ZSCAN31: variants seen among roughly 807,000 people sequenced by gnomAD.
ZSCAN31 encodes zinc finger and SCAN domain containing 31.
In ZSCAN31, 14 loss-of-function variants were observed where a neutral mutation model predicts 22.5. The observed-to-expected ratio is 0.62, with a 90% CI of 0.41 to 0.97. The LOEUF (loss-of-function observed/expected upper bound fraction) is 0.97. ZSCAN31 is among the 50% of genes least tolerant of loss of function. ZSCAN31 has a pLI of 0.00. For synonymous variants in ZSCAN31, 168 were observed against 169.8 expected, an observed-to-expected ratio of 0.99 and a Z score of 0.08; for missense variants, 424 against 483.4, an observed-to-expected ratio of 0.88 and a Z score of 1.15.
chr6:28,326,854 TC>T lies in ZSCAN31; in HGVS notation c.533-1del. On this transcript the variant is annotated splice_acceptor_variant, in intron 3 of 3. Transcript: ENST00000344279. LOFTEE classifies it high-confidence loss of function. ...CTGGTTCTCAGGTATACTTTCACCA[TC>T]TGGAATAATAAATGGACCAAACAAT... 6.2e-7 allele frequency: 1 copy of T among 1,604,812 alleles called. No homozygotes were observed. Among genetic ancestry groups the T allele is most frequent in the Non-Finnish European group, 8.5e-7 (1 of 1,176,706 alleles).
At chr6:28,334,850 G>A (rs1213304408) in intron 1 of ZSCAN31, among the ~76,000 whole-genome samples, 1 of 152,204 alleles carries the variant, frequency 6.6e-6, no homozygotes, top group Non-Finnish European at 1.5e-5. Flanking sequence ...ACTTAGTTGG[G>A]TGTGCTAATA....
rs150282747 is a variant in ZSCAN31, at chr6:28,341,855, C to T, written c.-370-63G>A. The T allele has an allele frequency of 9.5e-3, 1,446 of 152,110 alleles. 17 individuals carry two copies. Among genetic ancestry groups the T allele is most frequent in the Middle Eastern group, 0.031 (9 of 294 alleles). The allele number at this position is 152,110 out of a possible 1,614,324, so 9.4% of individuals were successfully genotyped here. On this transcript the variant is annotated intron_variant, in intron 2 of 7. Coordinates refer to the ZSCAN31 transcript ENST00000396838. ...CTGCATAAACAACCCTGAGAAATGG[C>T]GTGGGCAAAAGAATGGTCAGGGCTT...
chr6:28,326,654 C>G lies in ZSCAN31; in HGVS notation c.733G>C (p.Gly245Arg), dbSNP rs767128412. The G allele has an allele frequency of 6.2e-7, 1 of 1,614,232 alleles. No homozygotes were observed. Among genetic ancestry groups the G allele is most frequent in the East Asian group, 2.2e-5 (1 of 44,890 alleles). Residue 245 changes from glycine (G) to arginine (R), a missense_variant, in exon 4 of 4, where the codon GGG (glycine) becomes CGG (arginine). Coordinates refer to ENST00000344279, the MANE Select transcript of ZSCAN31 (RefSeq NM_030899.5). ...GERRHRCNEC[G>R]KSFTKSSVLI... The stretch of plus-strand genomic sequence containing the variant: ...ACTGAACTCTTAGTGAAGCTTTTCC[C>G]ACATTCATTGCACCTGTGGCGTCTC...
In ZSCAN31 at chr6:28,329,706, T is replaced by C. The variant is rs570219164; in HGVS notation, c.-23A>G. 1.3e-6 allele frequency: 2 copies of C among 1,587,198 alleles called. No individual in the cohort carries two copies. The highest frequency in any genetic ancestry group is 2.3e-5 in the South Asian group (2 of 88,580). On this transcript the variant is annotated 5_prime_UTR_variant, in exon 2 of 4. Coordinates refer to ENST00000344279, the MANE Select transcript of ZSCAN31 (RefSeq NM_030899.5). Reference sequence around the variant, plus strand: ...CATTCCTGGGGTTAATTTGGAAGGCTTACTCTGGCTTTAAGTAAAGGGATA... The same window carrying C: ...CATTCCTGGGGTTAATTTGGAAGGCCTACTCTGGCTTTAAGTAAAGGGATA...
At chr6:28,343,719 G>A (rs548335392) in intron 2 of ZSCAN31, among the ~76,000 whole-genome samples, 6 of 151,798 alleles carry the variant, frequency 4.0e-5, no homozygotes, top group East Asian at 1.9e-4. Context: ...TAGTAGAAAC[G>A]GGGTTTCACC....
chr6:28,335,489 A>C (rs1463915431), intron 1 of ZSCAN31: 1 of 152,262 alleles, frequency 6.6e-6, no homozygotes, highest in Non-Finnish European at 1.5e-5. Flanking sequence ...AGGTTCCGGC[A>C]GGCGCTCTAC....
upstream of ZSCAN31, chr6:28,355,969 A>T (rs1243062896): frequency 6.6e-6 from 1 of 152,220 alleles, no homozygotes; most frequent in African/African-American, 2.4e-5. Context: ...GGCATGGGAG[A>T]GACATCCACA....
upstream of ZSCAN31, among the ~76,000 whole-genome samples, chr6:28,340,172 G>A (rs1165734338): frequency 6.6e-6 from 1 of 152,220 alleles, no homozygotes; most frequent in Non-Finnish European, 1.5e-5. Context: ...ATTTATCACA[G>A]CCTAATTGGA....
chr6:28,338,124 C>T (rs1403834380), upstream of ZSCAN31, among the ~76,000 whole-genome samples: 1 of 151,736 alleles, frequency 6.6e-6, no homozygotes, highest in Non-Finnish European at 1.5e-5. Flanking sequence ...ATAGGCCAGG[C>T]GTGGTGGTTC....
At chr6:28,332,797 T>C (rs1763862212) in intron 1 of ZSCAN31, among the ~76,000 whole-genome samples, 1 of 152,242 alleles carries the variant, frequency 6.6e-6, no homozygotes, top group Admixed American at 6.5e-5. Flanking sequence ...AGCCCATCTC[T>C]AGATACCACC....
At chr6:28,330,609 C>T (rs1020317617) in intron 1 of ZSCAN31, among the ~76,000 whole-genome samples, 1 of 152,016 alleles carries the variant, frequency 6.6e-6, no homozygotes, top group African/African-American at 2.4e-5. Flanking sequence ...TTCCAAAATC[C>T]AGAAAAATCT....
At chr6:28,352,682 A>G (rs1765118945) in intron 2 of ZSCAN31, among the ~76,000 whole-genome samples, 1 of 152,250 alleles carries the variant, frequency 6.6e-6, no homozygotes, top group Non-Finnish European at 1.5e-5. Flanking sequence ...ATTTGGATCT[A>G]AAGACTAGAT....
At chr6:28,327,909 G>A (rs554635637) in intron 2 of ZSCAN31, among the ~76,000 whole-genome samples, 15 of 152,156 alleles carry the variant, frequency 9.9e-5, no homozygotes, top group Admixed American at 3.3e-4. Flanking sequence ...TTCCTTAAGC[G>A]TCAGCCAGCT....
chr6:28,353,434 T>G (rs2113896566), intron 2 of ZSCAN31: 1 of 161,352 alleles, frequency 6.2e-6, no homozygotes, highest in Admixed American at 6.0e-5. Flanking sequence ...GGCCCAGGTC[T>G]CATGGCTTCT....
chr6:28,349,125 GTA>G lies in ZSCAN31; in HGVS notation c.-371+4735_-371+4736del, dbSNP rs200551415. Among the ~76,000 whole-genome samples the G allele has an allele frequency of 0.071, 9,940 of 140,190 alleles. 600 individuals carry two copies. The highest frequency in any genetic ancestry group is 0.15 in the African/African-American group (5,570 of 36,754). The allele number at this position is 140,190 out of a possible 152,430, so 92.0% of individuals were successfully genotyped here. A position where few individuals can be genotyped will look rare whatever the true frequency, so the allele number is the denominator to read the frequency against. On this transcript the variant is annotated intron_variant, in intron 2 of 7. Transcript: ENST00000396838. This position sits in a 1 kb window ranked among gnomAD's most constrained non-coding sequence, Gnocchi z 4.1. ...ATATACATGTCTCATATACATAGGT[GTA>G]TATATATGTCTCATATATAGGTGTA...
chr6:28,346,642 G>T (rs973510572), intron 2 of ZSCAN31, among the ~76,000 whole-genome samples: 1 of 152,008 alleles, frequency 6.6e-6, no homozygotes, highest in East Asian at 1.9e-4. Context: ...CAGGTGTGAG[G>T]CACGGCACTC....
At chr6:28,345,639 C>G (rs1323329266) in intron 2 of ZSCAN31, among the ~76,000 whole-genome samples, 1 of 152,180 alleles carries the variant, frequency 6.6e-6, no homozygotes, top group Non-Finnish European at 1.5e-5. Flanking sequence ...GGTCATAGGA[C>G]TCAGCTAGTA....
chr6:28,353,681 G>A (rs72854534), intron 2 of ZSCAN31, among the ~76,000 whole-genome samples: 301 of 152,304 alleles, frequency 2.0e-3, no homozygotes, highest in Middle Eastern at 3.4e-3. Context: ...TCAGGATAGG[G>A]ATCAGGAGTC....
Position 28,329,758 on chromosome 6 carries a change from A to G in ZSCAN31, c.-75T>C. 6.6e-7 allele frequency: 1 copy of G among 1,504,692 alleles called. No homozygotes were observed. Among genetic ancestry groups the G allele is most frequent in the Non-Finnish European group, 8.9e-7 (1 of 1,124,698 alleles). The allele number at this position is 1,504,692 out of a possible 1,614,324, so 93.2% of individuals were successfully genotyped here. On this transcript the variant is annotated 5_prime_UTR_variant, in exon 2 of 4. Transcript: ENST00000344279. ...CTGTGATTTAAAATTTTCTGATTTA[A>G]TCTTCCTTAGGAGAAGACACCTGAT...
Sources: gnomAD v4.1 joint callset for allele counts (sites outside exome capture counted in the v4.1 genomes callset) on GRCh38, gnomAD v4.1.1 for gene constraint, Gnocchi (gnomAD v3.1) non-coding constraint, MANE v1.5 for transcripts, NCBI Gene and HGNC (gene_info 2026-07-23, HGNC 2026-07-21) for gene names.